The following SNTG2 variants were observed in gnomAD, a reference collection of about 807,000 sequenced individuals.
SNTG2 encodes the protein gamma-2-syntrophin.
In SNTG2, 74 loss-of-function variants were observed where a neutral mutation model predicts 70.9. The observed-to-expected ratio is 1.04, with a 90% CI of 0.86 to 1.27. The LOEUF (loss-of-function observed/expected upper bound fraction) is 1.27, where lower values mean the gene tolerates loss of function less well. SNTG2 is among the 50% of genes most tolerant of loss of function. The probability of loss-of-function intolerance (pLI) is 0.00; values close to 1 mark genes in which losing one functional copy is unlikely to be tolerated. For synonymous variants in SNTG2, 278 were observed against 273.8 expected (o/e 1.02, Z -0.15); for missense variants, 717 against 690.7 (o/e 1.04, Z -0.43).
chr2:1,241,335 G>A (rs1418890171), intron 11 of SNTG2, among the ~76,000 whole-genome samples: 1 of 152,218 alleles, frequency 6.6e-6, no homozygotes. Context: ...CAAGTGGAGA[G>A]CATACGTGGG....
chr2:1,218,928 AAGG>A (rs1674572616), intron 9 of SNTG2, among the ~76,000 whole-genome samples: 1 of 152,210 alleles, frequency 6.6e-6, no homozygotes, highest in Non-Finnish European at 1.5e-5. Flanking sequence ...TGTACGTTTA[AAGG>A]AGGTTTGAAG....
chr2:1,303,024 A>T (rs939177830), intron 14 of SNTG2, among the ~76,000 whole-genome samples: 2 of 152,228 alleles, frequency 1.3e-5, no homozygotes, highest in Non-Finnish European at 2.9e-5. Flanking sequence ...AAAACAAAAA[A>T]CAGAAAAATC....
intron 9 of SNTG2, among the ~76,000 whole-genome samples, chr2:1,221,250 C>G (rs1324260709): frequency 4.6e-5 from 3 of 64,656 alleles, no homozygotes; most frequent in Non-Finnish European, 3.4e-5. Flanking sequence ...CTGCCTCTCT[C>G]TGTCTCTCAG....
chr2:1,306,226 A>AG (rs1333337018), intron 14 of SNTG2, among the ~76,000 whole-genome samples: 1 of 152,114 alleles, frequency 6.6e-6, no homozygotes, highest in Non-Finnish European at 1.5e-5. Context: ...AACAGTGTGT[A>AG]GAGTATTTGT....
chr2:1,004,832 A>G (rs1183329613), intron 1 of SNTG2, among the ~76,000 whole-genome samples: 1 of 152,204 alleles, frequency 6.6e-6, no homozygotes, highest in African/African-American at 2.4e-5. Context: ...ATGAATTGAA[A>G]ACTTATGTAC....
rs1243515317 is a variant in SNTG2, at chr2:1,273,116, C to T, written c.1284+5545C>T. Among the ~76,000 whole-genome samples the T allele has an allele frequency of 2.0e-5, 3 of 152,164 alleles. No individual in the cohort carries two copies. In the East Asian group the frequency reaches 5.8e-4, roughly 29 times the overall value. ...TCCTGACGAGCACGCCCCTGCCTGC[C>T]CGCCTCGGGGAACGGGACCTCACTG... On this transcript the variant is annotated intron_variant, in intron 14 of 16. Coordinates refer to ENST00000308624, the MANE Select transcript of SNTG2 (RefSeq NM_018968.4).
At chr2:1,172,538 G>T (rs1170207256) in intron 7 of SNTG2, among the ~76,000 whole-genome samples, 1 of 152,190 alleles carries the variant, frequency 6.6e-6, no homozygotes, top group Non-Finnish European at 1.5e-5. Context: ...GTAATCCATG[G>T]AGCATGAAGA....
At chr2:1,218,918 T>G (rs1202734125) in intron 9 of SNTG2, among the ~76,000 whole-genome samples, 7 of 152,172 alleles carry the variant, frequency 4.6e-5, no homozygotes, top group Non-Finnish European at 8.8e-5. Context: ...AAAATAAAAC[T>G]GTACGTTTAA....
At chr2:1,113,843 C>T (rs1041677817) in intron 4 of SNTG2, among the ~76,000 whole-genome samples, 4 of 132,632 alleles carry the variant, frequency 3.0e-5, no homozygotes, top group African/African-American at 8.3e-5. Context: ...TGAGAAGGAT[C>T]GTGTGTACTA....
intron 4 of SNTG2, among the ~76,000 whole-genome samples, chr2:1,122,000 T>C (rs936803014): frequency 2.0e-5 from 3 of 152,116 alleles, no homozygotes; most frequent in African/African-American, 7.2e-5. Flanking sequence ...AAAATTGGAC[T>C]ACCTAGAGGA....
In SNTG2 at chr2:1,196,755, C is replaced by G. The variant is rs536046575; in HGVS notation, c.592-12348C>G. Among the ~76,000 whole-genome samples, 15 of 152,232 alleles carry G rather than the reference C, an allele frequency of 9.9e-5. No homozygotes were observed. In the South Asian group the frequency reaches 2.7e-3, roughly 27 times the overall value. On this transcript the variant is annotated intron_variant, in intron 8 of 16. Transcript: ENST00000308624. ...AAGTACTAAAAGAAAAAAAACACTTCTAGCCAAGAATACTGTACCTAGAAA... is the reference window on the plus strand; with the variant it reads ...AAGTACTAAAAGAAAAAAAACACTTGTAGCCAAGAATACTGTACCTAGAAA...
At chr2:1,308,734 T>C (rs1285250155) in intron 15 of SNTG2, 148 bp downstream of exon 15, 5 of 671,478 alleles carry the variant, frequency 7.4e-6, no homozygotes, top group Non-Finnish European at 1.3e-5. Flanking sequence ...TAGACTTTTT[T>C]TTCTGATAGC....
At chr2:1,283,940 G>A (rs1331178108) in intron 14 of SNTG2, among the ~76,000 whole-genome samples, 3 of 152,150 alleles carry the variant, frequency 2.0e-5, no homozygotes, top group Non-Finnish European at 4.4e-5. Flanking sequence ...GCTGCACTGT[G>A]GCTGGGAATT....
intron 9 of SNTG2, among the ~76,000 whole-genome samples, chr2:1,210,041 A>G (rs147264528): frequency 1.3e-5 from 2 of 152,314 alleles, no homozygotes; most frequent in East Asian, 3.9e-4. Flanking sequence ...CAGACAGTAC[A>G]ACCTGAAATT....
intron 1 of SNTG2, among the ~76,000 whole-genome samples, chr2:1,047,750 C>T (rs1661819305): frequency 6.6e-6 from 1 of 151,858 alleles, no homozygotes; most frequent in Admixed American, 6.6e-5. Flanking sequence ...ATGTTTGCAG[C>T]CCTCTCCCTT....
At chr2:1,351,755 C>T in intron 16 of SNTG2, among the ~76,000 whole-genome samples, 1 of 152,166 alleles carries the variant, frequency 6.6e-6, no homozygotes, top group East Asian at 1.9e-4. Context: ...AGCCTTCATC[C>T]CACTGCTCTG....
intron 16 of SNTG2, among the ~76,000 whole-genome samples, chr2:1,365,962 C>T (rs1402154116): frequency 6.6e-6 from 1 of 152,120 alleles, no homozygotes; most frequent in Non-Finnish European, 1.5e-5. Context: ...CCCCATTCTC[C>T]ACCCCCTCAT....
intron 1 of SNTG2, among the ~76,000 whole-genome samples, chr2:1,005,946 A>T (rs1001649430): frequency 2.7e-5 from 4 of 148,812 alleles, no homozygotes; most frequent in African/African-American, 9.9e-5. Flanking sequence ...TTACATGCCA[A>T]CTGAATTATA....
intron 9 of SNTG2, among the ~76,000 whole-genome samples, chr2:1,222,528 G>GATCTTGTGTCTCTGCCAACTGCGT (rs1572780111): frequency 7.9e-6 from 1 of 126,750 alleles, no homozygotes; most frequent in East Asian, 2.3e-4. Context: ...CCTGCCTGCT[G>GATCTTGTGTCTCTGCCAACTGCGT]CTGGAGGTGC....
Sources: gnomAD v4.1 joint callset for allele counts (sites outside exome capture counted in the v4.1 genomes callset) on GRCh38, gnomAD v4.1.1 for gene constraint, MANE v1.5 for transcripts, NCBI Gene and HGNC (gene_info 2026-07-23, HGNC 2026-07-21) for gene names.